Variants in TRIP11 observed in about 807,000 individuals in gnomAD.
The protein encoded by TRIP11 is thyroid hormone receptor interactor 11.
TRIP11 carries 148 observed loss-of-function variants against 223.1 expected under a neutral mutation model. The observed-to-expected ratio is 0.66, with a 90% CI of 0.58 to 0.76. The LOEUF (loss-of-function observed/expected upper bound fraction) is 0.76. Among genes scored for constraint, TRIP11 ranks in the 30% least tolerant of loss-of-function variants. The pLI, the probability that TRIP11 is intolerant of heterozygous loss-of-function variation, is 0.00. For missense variants in TRIP11, 2,043 were observed against 2,222.0 expected, an observed-to-expected ratio of 0.92 and a Z score of 1.62; for synonymous variants, 762 against 772.6, an observed-to-expected ratio of 0.99 and a Z score of 0.23.
intron 15 of TRIP11, 60 bp downstream of exon 15, chr14:91,993,749 C>G: frequency 7.5e-7 from 1 of 1,334,758 alleles, no homozygotes; most frequent in East Asian, 2.3e-5. Context: ...AAGACAAAGA[C>G]TCTACAAGTA....
chr14:92,017,619 C>A, intron 5 of TRIP11, 63 bp downstream of exon 5: 1 of 1,266,342 alleles, frequency 7.9e-7, no homozygotes, highest in Non-Finnish European at 1.1e-6. Context: ...TAATTCAGGC[C>A]TATGCTTTTA....
In TRIP11 at chr14:91,975,198, C is replaced by T. The variant is rs2056449077; in HGVS notation, c.5431G>A (p.Gly1811Ser). 6.2e-7 allele frequency: 1 copy of T among 1,613,712 alleles called. No homozygotes were observed. ...TGCTCCATCTCCTCCCTTCTGACGC[C>T]CAGGATGCTCCCCATTAACCGTAAC... ...EVLRLMGSIL[G>S]VRREEMEQLF... Residue 1811 changes from glycine to serine, a missense_variant, in exon 18 of 21, where the codon GGC becomes AGC. Coordinates refer to ENST00000267622, the MANE Select transcript of TRIP11 (RefSeq NM_004239.4).
chr14:92,003,901 T>C lies in TRIP11; in HGVS notation c.4075A>G (p.Lys1359Glu). 1 of 1,614,100 alleles carries C rather than the reference T, an allele frequency of 6.2e-7. No individual in the cohort carries two copies. The highest frequency in any genetic ancestry group is 8.5e-7 in the Non-Finnish European group (1 of 1,180,030). The change falls in exon 11 of 21, where the codon AAA (lysine) becomes GAA (glutamate). Residue 1359 changes from lysine (K) to glutamate (E), a missense_variant. Transcript: ENST00000267622. Reference protein sequence around the residue: ...LEELRKSLQEKDATIRTLQEN... With the variant: ...LEELRKSLQEEDATIRTLQEN... ...TGGAGAGTTCTAATTGTTGCATCTTTTTCCTGTAGTGATTTTCTTAGCTCT... is the reference window on the plus strand; with the variant it reads ...TGGAGAGTTCTAATTGTTGCATCTTCTTCCTGTAGTGATTTTCTTAGCTCT...
At chr14:91,990,710 C>T (rs904493153) in intron 15 of TRIP11, among the ~76,000 whole-genome samples, 11 of 152,290 alleles carry the variant, frequency 7.2e-5, no homozygotes, top group African/African-American at 1.9e-4. Context: ...GGCATAGAGG[C>T]TCACGCCTGT....
rs780178406 is a variant in TRIP11 at position 92,014,478 on chromosome 14, A to AT, written c.922dup (p.Met308AsnfsTer5). 4.4e-6 allele frequency: 7 copies of AT among 1,595,824 alleles called. No individual in the cohort carries two copies. In the Admixed American group the frequency reaches 5.2e-5, roughly 12 times the overall value. On this transcript the variant is annotated frameshift_variant, in exon 7 of 21. Transcript: ENST00000267622. LOFTEE classifies it high-confidence loss of function. ...TTTTATTTTATCCTCAAGTTGTTCC[A>AT]TTTTTTTGGTAGACTCCACTTTTTC...
chr14:91,966,004 T>C lies in TRIP11; in HGVS notation c.*3669A>G, dbSNP rs1034288967. 2 of 165,026 alleles carry C rather than the reference T, an allele frequency of 1.2e-5. No individual in the cohort carries two copies. The highest frequency in any genetic ancestry group is 2.6e-5 in the Non-Finnish European group (2 of 75,472). The allele number at this position is 165,026 out of a possible 1,614,324, so 10.2% of individuals were successfully genotyped here. On this transcript the variant is annotated 3_prime_UTR_variant, in exon 21 of 21. Transcript: ENST00000267622. ...AAAGTCAGCAGCTGTTTGCTAAAAA[T>C]TTTTTTTATTGTGACTGAAGACATT...
intron 16 of TRIP11, chr14:91,977,234 C>T (rs1442077001): frequency 2.2e-6 from 1 of 454,610 alleles, no homozygotes; most frequent in Non-Finnish European, 4.4e-6. Flanking sequence ...TGTCATCTCA[C>T]TTTCTTGATG....
chr14:92,031,878 T>A (rs2057270249), intron 2 of TRIP11, among the ~76,000 whole-genome samples: 1 of 152,184 alleles, frequency 6.6e-6, no homozygotes, highest in African/African-American at 2.4e-5. Flanking sequence ...AGTGGCAGGA[T>A]CACAGCTCAC....
intron 2 of TRIP11, among the ~76,000 whole-genome samples, chr14:92,026,347 T>C (rs2057186789): frequency 6.6e-6 from 1 of 152,222 alleles, no homozygotes. Context: ...TCAAATTGTA[T>C]GTACCTAAAT....
chr14:92,033,302 G>A, intron 1 of TRIP11, 49 bp from the exon 2 acceptor site: 1 of 1,368,992 alleles, frequency 7.3e-7, no homozygotes, highest in Non-Finnish European at 1.0e-6. Context: ...ACCATATGAA[G>A]TAATAAATAG....
rs1178523006 is a variant in TRIP11 at position 92,005,529 on chromosome 14, A to C, written c.2447T>G (p.Phe816Cys). Residue 816 changes from phenylalanine (F) to cysteine (C), a missense_variant, in exon 11 of 21, where the codon TTT (phenylalanine) becomes TGT (cysteine). Coordinates refer to ENST00000267622, the MANE Select transcript of TRIP11 (RefSeq NM_004239.4). ...ACTTCTTTCTTTAAGCTTTTCAATA[A>C]AAATTTCTTTCTTGTTTATAAGTTG... ...LTQLINKKEI[F>C]IEKLKERSSK... 6.2e-7 allele frequency: 1 copy of C among 1,611,432 alleles called. No homozygotes were observed. The highest frequency in any genetic ancestry group is 1.1e-5 in the South Asian group (1 of 89,956).
chr14:92,010,652 T>G (rs2056960372), intron 9 of TRIP11, among the ~76,000 whole-genome samples: 1 of 151,972 alleles, frequency 6.6e-6, no homozygotes. Context: ...GCATATACAG[T>G]TATTACAGTA....
At chr14:91,976,735 T>C (rs2056469485) in intron 16 of TRIP11, among the ~76,000 whole-genome samples, 1 of 152,162 alleles carries the variant, frequency 6.6e-6, no homozygotes, top group South Asian at 2.1e-4. Context: ...TCGGCTCTAA[T>C]ATACAAATCA....
At chr14:91,974,583 T>C in intron 19 of TRIP11, 44 bp downstream of exon 19, 1 of 1,403,160 alleles carries the variant, frequency 7.1e-7, no homozygotes, top group African/African-American at 1.4e-5. Flanking sequence ...TAATATACAG[T>C]CATTTTACTA....
At position 91,981,401 on chromosome 14, in the gene TRIP11, G is replaced by C. The variant is rs373140124; in HGVS notation, c.5261-5212C>G. On this transcript the variant is annotated intron_variant, in intron 16 of 20. Transcript: ENST00000267622. ...CATCTGTTTTGTCTTTTTTGTTGTT[G>C]TTTTTTTAGACAGAGTCTCGCTCTG... Among the ~76,000 whole-genome samples the C allele has an allele frequency of 3.4e-5, 5 of 146,714 alleles. No individual in the cohort carries two copies. The East Asian group carries it at 9.8e-4, about 29-fold the overall frequency.
At position 92,025,404 on chromosome 14, in the gene TRIP11, T is replaced by C; in HGVS notation, c.218A>G (p.Lys73Arg). Residue 73 changes from lysine to arginine, a missense_variant, in exon 3 of 21, where the codon AAA becomes AGA. Physicochemically the swap from Lys to Arg is conservative, Grantham distance 26. Transcript: ENST00000267622. ...TTTCTCTTCTAGATCAGTACAAAGT[T>C]TCTTAAGCCTTTCATTCTAGAAAAA... ...ILRSENERLK[K>R]LCTDLEEKHE... 6.2e-7 allele frequency: 1 copy of C among 1,612,636 alleles called. No homozygotes were observed. The highest frequency in any genetic ancestry group is 8.5e-7 in the Non-Finnish European group (1 of 1,179,670).
chr14:91,988,458 G>A (rs2056630732), intron 15 of TRIP11, 75 bp from the exon 16 acceptor site: 1 of 1,286,390 alleles, frequency 7.8e-7, no homozygotes, highest in African/African-American at 1.5e-5. Flanking sequence ...AGACATCTTA[G>A]AGTCAACCTC....
At chr14:91,995,227 TC>T (rs1436482502) in intron 14 of TRIP11, 124 bp downstream of exon 14, 1 of 1,095,518 alleles carries the variant, frequency 9.1e-7, no homozygotes, top group Non-Finnish European at 1.4e-6. Flanking sequence ...TACTCACCCT[TC>T]CCCTCTACCA....
intron 1 of TRIP11, among the ~76,000 whole-genome samples, chr14:92,039,183 C>A (rs2057356153): frequency 2.0e-5 from 3 of 152,148 alleles, no homozygotes; most frequent in Admixed American, 2.0e-4. Context: ...ATTCTTTAAA[C>A]TGGGTCAGAA....
Sources: allele counts gnomAD v4.1 joint callset (sites outside exome capture counted in the v4.1 genomes callset), GRCh38; gene constraint gnomAD v4.1.1; transcripts MANE v1.5; gene names NCBI Gene and HGNC (gene_info 2026-07-23, HGNC 2026-07-21).